Variants in FBXL19 observed in about 807,000 individuals in gnomAD.
FBXL19 encodes F-box and leucine rich repeat protein 19, also known as F-box/LRR-repeat protein 19.
In FBXL19, 16 loss-of-function variants were observed where a neutral mutation model predicts 71.2. The ratio of observed to expected loss-of-function variants is 0.22; its 90% CI spans 0.15 to 0.34. The LOEUF (loss-of-function observed/expected upper bound fraction) is 0.34, where lower values mean the gene tolerates loss of function less well. FBXL19 is among the 10% of genes least tolerant of loss of function. FBXL19 has a pLI of 1.00. For synonymous variants in FBXL19, 447 were observed against 409.4 expected, an observed-to-expected ratio of 1.09 and a Z score of -1.11; for missense variants, 658 against 968.2, an observed-to-expected ratio of 0.68 and a Z score of 4.25.
At position 30,925,771 on chromosome 16, in the gene FBXL19, G is replaced by A. The variant is rs1484217349; in HGVS notation, c.17G>A (p.Arg6Gln). MSSSS[R>Q]GPGAGARRRR... ...ACGCCCCCAATGTCGTCGAGCAGCC[G>A]GGGGCCGGGGGCCGGAGCGCGCCGA... The change falls in exon 2 of 11, where the codon CGG becomes CAG. Residue 6 changes from arginine (R) to glutamine (Q), a missense_variant. This residue lies in a region of FBXL19 where 25 missense variants were observed against 19.3 expected (regional missense o/e 1.30). Transcript: ENST00000338343. This position sits in a 1 kb window ranked among gnomAD's most constrained non-coding sequence, Gnocchi z 5.0. 2.7e-6 allele frequency: 4 copies of A among 1,479,602 alleles called. No individual in the cohort carries two copies. Among genetic ancestry groups the A allele is most frequent in the Non-Finnish European group, 2.7e-6 (3 of 1,120,436 alleles). The allele number at this position is 1,479,602 out of a possible 1,614,324, so 91.7% of individuals were successfully genotyped here.
chr16:30,938,872 G>A (rs990619254), intron 7 of FBXL19, among the ~76,000 whole-genome samples: 1 of 151,922 alleles, frequency 6.6e-6, no homozygotes, highest in Non-Finnish European at 1.5e-5. Context: ...TCCTGATCTC[G>A]TGATCCGCCT....
chr16:30,931,109 T>A (rs1011110259), intron 7 of FBXL19, among the ~76,000 whole-genome samples: 22 of 152,208 alleles, frequency 1.4e-4, no homozygotes, highest in African/African-American at 4.3e-4. Context: ...CGGTTCCTGC[T>A]TTCCTTCTGC....
rs2055603671 is a variant in FBXL19, at chr16:30,927,329, G to A, written c.199G>A (p.Val67Met). 6.3e-7 allele frequency: 1 copy of A among 1,579,130 alleles called. No homozygotes were observed. Among genetic ancestry groups the A allele is most frequent in the African/African-American group, 1.3e-5 (1 of 74,466 alleles). Residue 67 changes from valine to methionine, a missense_variant, in exon 3 of 11, where the codon GTG becomes ATG. Around this residue, in one of 8 missense-constraint regions of FBXL19, gnomAD observed 447 missense variants for 515.4 expected, o/e 0.87. Transcript: ENST00000338343. ...CTAPVLPHTA[V>M]CLLCGEAGKE... Reference sequence around the variant, plus strand: ...ACAGCCCGTGCTCCCACACACAGCTGTGTGCCTCTTGTGTGGGGAGGCTGG... The same window carrying A: ...ACAGCCCGTGCTCCCACACACAGCTATGTGCCTCTTGTGTGGGGAGGCTGG...
At chr16:30,935,202 A>G (rs1349516315) in intron 7 of FBXL19, among the ~76,000 whole-genome samples, 1 of 152,202 alleles carries the variant, frequency 6.6e-6, no homozygotes, top group Non-Finnish European at 1.5e-5. Context: ...GCTTCCAGGC[A>G]GGGACTTGAT....
At chr16:30,940,917 C>T (rs1391189956) in intron 7 of FBXL19, among the ~76,000 whole-genome samples, 1 of 152,086 alleles carries the variant, frequency 6.6e-6, no homozygotes, top group Non-Finnish European at 1.5e-5. Context: ...GATCCACCCA[C>T]CTCGGCCTCC....
chr16:30,925,744 T>C lies in FBXL19; in HGVS notation c.-11T>C. On this transcript the variant is annotated 5_prime_UTR_variant, in exon 2 of 11. An upstream open reading frame in the 5' UTR loses its in-frame stop. Coordinates refer to ENST00000338343, the MANE Select transcript of FBXL19 (RefSeq NM_001382779.1). This position sits in a 1 kb window ranked among gnomAD's most constrained non-coding sequence, Gnocchi z 5.0. ...ATCCACCTACAGCCCTCGGCGTTGCTGACGCCCCCAATGTCGTCGAGCAGC... is the reference window on the plus strand; with the variant it reads ...ATCCACCTACAGCCCTCGGCGTTGCCGACGCCCCCAATGTCGTCGAGCAGC... 1 of 1,489,512 alleles carries C rather than the reference T, an allele frequency of 6.7e-7. No homozygotes were observed. The highest frequency in any genetic ancestry group is 8.9e-7 in the Non-Finnish European group (1 of 1,125,538). 92.3% of individuals were successfully genotyped at this position (1,489,512 alleles called of 1,614,324 possible). A position where few individuals can be genotyped will look rare whatever the true frequency, so the allele number is the denominator to read the frequency against.
At position 30,946,075 on chromosome 16, in the gene FBXL19, C is replaced by T. The variant is rs549239925; in HGVS notation, c.1628-655C>T. ...ATTCTGCAAGCTGTACAGGAAGTAT[C>T]GTGCCTGCGTCTGCTCAGCTTCTGG... On this transcript the variant is annotated intron_variant, in intron 9 of 10. Coordinates refer to ENST00000338343, the MANE Select transcript of FBXL19 (RefSeq NM_001382779.1). This position sits in a 1 kb window ranked among gnomAD's most constrained non-coding sequence, Gnocchi z 6.7. Among the ~76,000 whole-genome samples the T allele has an allele frequency of 3.9e-5, 6 of 152,216 alleles. No homozygotes were observed. The South Asian group carries it at 1.2e-3, about 32-fold the overall frequency.
At position 30,925,823 on chromosome 16, in the gene FBXL19, G is replaced by A; in HGVS notation, c.69G>A (p.Arg23=). Residue 23 remains arginine (R), a synonymous_variant, in exon 2 of 11, where the codon CGG becomes CGA. Transcript: ENST00000338343. The surrounding 1 kb of genome is among the most constrained non-coding windows in gnomAD (Gnocchi z 5.0). Reference sequence around the variant, plus strand: ...GCCGAACCCGCTGCCGCCGCTGCCGGGCCTGTGTGCGAACTGAGTGCGGGG... The same window carrying A: ...GCCGAACCCGCTGCCGCCGCTGCCGAGCCTGTGTGCGAACTGAGTGCGGGG... The part of the protein sequence containing the change: ...RRRRTRCRRC[R]ACVRTECGDC... 1 of 1,506,402 alleles carries A rather than the reference G, an allele frequency of 6.6e-7. No homozygotes were observed. Among genetic ancestry groups the A allele is most frequent in the Non-Finnish European group, 8.8e-7 (1 of 1,130,530 alleles). 93.3% of individuals were successfully genotyped at this position (1,506,402 alleles called of 1,614,324 possible). A position where few individuals can be genotyped will look rare whatever the true frequency, so the allele number is the denominator to read the frequency against.
intron 9 of FBXL19, among the ~76,000 whole-genome samples, chr16:30,945,362 A>T (rs537262813): frequency 6.6e-6 from 1 of 152,246 alleles, no homozygotes; most frequent in East Asian, 1.9e-4. Context: ...AGAACTTGTT[A>T]AAAAAGTAAA....
At chr16:30,935,353 G>A (rs767487627) in intron 7 of FBXL19, among the ~76,000 whole-genome samples, 29 of 152,342 alleles carry the variant, frequency 1.9e-4, no homozygotes, top group Admixed American at 7.2e-4. Flanking sequence ...CTGGAGAGGC[G>A]TGTGTAGGGG....
intron 7 of FBXL19, among the ~76,000 whole-genome samples, chr16:30,939,111 A>G (rs1000489874): frequency 5.4e-5 from 8 of 147,416 alleles, no homozygotes; most frequent in East Asian, 4.2e-4. Flanking sequence ...TCGCTCTGTC[A>G]CCCAGGCTGG....
chr16:30,928,406 T>C (rs2055628685), intron 5 of FBXL19, 61 bp from the exon 6 acceptor site: 2 of 1,449,378 alleles, frequency 1.4e-6, no homozygotes, highest in Non-Finnish European at 1.8e-6. Flanking sequence ...CTTAGATTTC[T>C]GGCCCATGAG....
At chr16:30,931,495 C>G (rs2055673401) in intron 7 of FBXL19, among the ~76,000 whole-genome samples, 1 of 152,204 alleles carries the variant, frequency 6.6e-6, no homozygotes, top group Admixed American at 6.5e-5. Context: ...TGGGACCAGG[C>G]TCCCTGTTGG....
intron 2 of FBXL19, 133 bp downstream of exon 2, chr16:30,926,064 A>G: frequency 2.3e-6 from 3 of 1,324,850 alleles, no homozygotes; most frequent in Non-Finnish European, 2.9e-6. Context: ...TTCATTCACT[A>G]GTTTGTGTCA....
chr16:30,929,342 C>T (rs578161168), intron 6 of FBXL19, among the ~76,000 whole-genome samples: 54 of 152,244 alleles, frequency 3.5e-4, no homozygotes, highest in African/African-American at 8.4e-4. Flanking sequence ...TCAGCCGATG[C>T]GGGGTGCTGC....
intron 6 of FBXL19, among the ~76,000 whole-genome samples, chr16:30,929,012 G>T (rs1341079327): frequency 2.6e-5 from 4 of 152,094 alleles, no homozygotes; most frequent in African/African-American, 9.7e-5. Flanking sequence ...CCCTTATCCC[G>T]CAGAAGTGTA....
Position 30,930,309 on chromosome 16 carries a change from C to A in FBXL19, c.1026C>A (p.Gly342=). The A allele has an allele frequency of 6.2e-7, 1 of 1,608,964 alleles. No individual in the cohort carries two copies. The highest frequency in any genetic ancestry group is 8.5e-7 in the Non-Finnish European group (1 of 1,177,510). Residue 342 remains glycine, a synonymous_variant, in exon 7 of 11, where the codon GGC becomes GGA. Transcript: ENST00000338343. The surrounding 1 kb of genome is among the most constrained non-coding windows in gnomAD (Gnocchi z 8.5). ...GACGGCCAGCCCGGGGCAGCTCTGG[C>A]GAGAAGGAGAACCGTGGGGGGCGGC... ...NGRRPARGSS[G]EKENRGGRRA...
rs2055561131 is a variant in FBXL19 at position 30,924,154 on chromosome 16, A to T, written c.-330A>T. The T allele has an allele frequency of 6.6e-6, 1 of 151,836 alleles. No homozygotes were observed. The highest frequency in any genetic ancestry group is 2.4e-5 in the African/African-American group (1 of 41,226). 9.4% of individuals were successfully genotyped at this position (151,836 alleles called of 1,614,324 possible). On this transcript the variant is annotated 5_prime_UTR_variant, in exon 1 of 11. Transcript: ENST00000338343. Reference sequence around the variant, plus strand: ...AGTGGGCCCCGGGCAGAAGCTGAGCACCCTGCGCCCAAGGAGCCCCCGTTG... The same window carrying T: ...AGTGGGCCCCGGGCAGAAGCTGAGCTCCCTGCGCCCAAGGAGCCCCCGTTG...
rs2055608991 is a variant in FBXL19, at chr16:30,927,677, C to CT, written c.408+19dup. On this transcript the variant is annotated intron_variant, in intron 4 of 10. Transcript: ENST00000338343. Reference sequence around the variant, plus strand: ...CCAGCAAGGTAGGGGCTGGGCTGGGCTGAGCTGTGGGTAGGTGGGTGTTGG... The same window carrying CT: ...CCAGCAAGGTAGGGGCTGGGCTGGGCTTGAGCTGTGGGTAGGTGGGTGTTGG... 3 of 1,562,274 alleles carry CT rather than the reference C, an allele frequency of 1.9e-6. No individual in the cohort carries two copies. In the Admixed American group the frequency reaches 5.8e-5, roughly 30 times the overall value.
Sources: gnomAD v4.1 joint callset for allele counts (sites outside exome capture counted in the v4.1 genomes callset) on GRCh38, gnomAD v4.1.1 for gene constraint, gnomAD v4.1.1 regional missense constraint, Gnocchi (gnomAD v3.1) non-coding constraint, MANE v1.5 for transcripts, NCBI Gene and HGNC (gene_info 2026-07-23, HGNC 2026-07-21) for gene names.